SLC35D4: variants seen among roughly 807,000 people sequenced by gnomAD.
The protein encoded by SLC35D4 is solute carrier family 35 member D4, also known as UDP-N-acetylglucosamine transporter SLC35D4.
At chr18:23,239,719 C>T in the SLC35D4 span, among the ~76,000 whole-genome samples, 1 of 152,216 alleles carries the variant, frequency 6.6e-6, no homozygotes. Context: ...ACTAACCAGC[C>T]ACAACCCCTC....
chr18:23,401,263 C>T, the SLC35D4 span, among the ~76,000 whole-genome samples: 1 of 152,182 alleles, frequency 6.6e-6, no homozygotes, highest in Non-Finnish European at 1.5e-5. Flanking sequence ...GTCTGTCTGG[C>T]TCCAAAGCCC....
the SLC35D4 span, among the ~76,000 whole-genome samples, chr18:23,364,933 A>AATAAT: frequency 2.5e-4 from 4 of 15,794 alleles, 1 homozygote; most frequent in South Asian, 9.0e-3. Flanking sequence ...AAAAAAAAAA[A>AATAAT]GGACTCCTTT....
chr18:23,387,276 T>C, the SLC35D4 span, among the ~76,000 whole-genome samples: 147,773 of 152,280 alleles, frequency 0.97, 71,854 homozygotes, highest in East Asian at 1. Context: ...AATAAGAGCA[T>C]AGGTTTTGTC....
At chr18:23,433,588 C>G in the SLC35D4 span, among the ~76,000 whole-genome samples, 1 of 152,268 alleles carries the variant, frequency 6.6e-6, no homozygotes, top group African/African-American at 2.4e-5. Flanking sequence ...CCCAGGCCAC[C>G]AAGCCAGAGC....
the SLC35D4 span, among the ~76,000 whole-genome samples, chr18:23,358,243 G>A: frequency 1.3e-5 from 2 of 152,164 alleles, no homozygotes; most frequent in African/African-American, 4.8e-5. Context: ...AATGAGGAAC[G>A]GCGGAGAGGG....
chr18:23,330,930 G>A, the SLC35D4 span: 2 of 152,144 alleles, frequency 1.3e-5, no homozygotes, highest in Non-Finnish European at 2.9e-5. Context: ...AGCCACCAAC[G>A]TGAAGCCTTT....
chr18:23,370,522 T>C, the SLC35D4 span, among the ~76,000 whole-genome samples: 1 of 152,200 alleles, frequency 6.6e-6, no homozygotes, highest in Non-Finnish European at 1.5e-5. Context: ...ATGGAAAGCA[T>C]CATGATTATG....
the SLC35D4 span, among the ~76,000 whole-genome samples, chr18:23,378,299 A>G: frequency 6.6e-6 from 1 of 151,910 alleles, no homozygotes; most frequent in Admixed American, 6.6e-5. Flanking sequence ...AGCCTCCTAA[A>G]GCACTGGGAT....
chr18:23,328,366 CAAAA>C, the SLC35D4 span, among the ~76,000 whole-genome samples: 1 of 152,166 alleles, frequency 6.6e-6, no homozygotes, highest in Non-Finnish European at 1.5e-5. Flanking sequence ...TCTCAGGATA[CAAAA>C]TCAATGTGCA....
chr18:23,380,003 A>G, the SLC35D4 span, among the ~76,000 whole-genome samples: 6 of 152,180 alleles, frequency 3.9e-5, no homozygotes, highest in African/African-American at 1.4e-4. Flanking sequence ...AGGCTGAGGC[A>G]GGAGAATCGC....
chr18:23,243,873 A>T, the SLC35D4 span, among the ~76,000 whole-genome samples: 1 of 51,486 alleles, frequency 1.9e-5, no homozygotes, highest in African/African-American at 4.3e-4. Context: ...ACTCCGTTTC[A>T]AAAAAAAAAA....
At chr18:23,239,777 A>G in the SLC35D4 span, among the ~76,000 whole-genome samples, 3 of 152,200 alleles carry the variant, frequency 2.0e-5, no homozygotes, top group Admixed American at 2.0e-4. Flanking sequence ...GTAAACAGTA[A>G]ACAAGGAGAC....
At chr18:23,428,636 A>G in the SLC35D4 span, among the ~76,000 whole-genome samples, 1 of 151,654 alleles carries the variant, frequency 6.6e-6, no homozygotes, top group Non-Finnish European at 1.5e-5. Flanking sequence ...TCCTGTCTCA[A>G]CCTCCTGAGT....
At chr18:23,302,961 A>C in the SLC35D4 span, among the ~76,000 whole-genome samples, 1 of 152,276 alleles carries the variant, frequency 6.6e-6, no homozygotes, top group Non-Finnish European at 1.5e-5. Context: ...GGTGATGACT[A>C]ACTTAAAACT....
chr18:23,360,173 C>T, the SLC35D4 span, among the ~76,000 whole-genome samples: 1 of 152,202 alleles, frequency 6.6e-6, no homozygotes. Context: ...GGATGTGGAG[C>T]AACTGGAACT....
chr18:23,278,998 G>A, the SLC35D4 span, among the ~76,000 whole-genome samples: 1 of 145,634 alleles, frequency 6.9e-6, no homozygotes, highest in South Asian at 2.2e-4. Flanking sequence ...GGGTGACAGA[G>A]CAAGACCCCA....
the SLC35D4 span, among the ~76,000 whole-genome samples, chr18:23,382,275 T>C: frequency 6.6e-6 from 1 of 151,246 alleles, no homozygotes; most frequent in African/African-American, 2.4e-5. Context: ...AAGGATCCCT[T>C]TGGAGAATAT....
chr18:23,354,317 C>A, the SLC35D4 span, among the ~76,000 whole-genome samples: 2 of 126,616 alleles, frequency 1.6e-5, no homozygotes, highest in African/African-American at 6.2e-5. Context: ...CTGGCTAACA[C>A]GGTGAAACCC....
At chr18:23,420,384 AT>A in the SLC35D4 span, among the ~76,000 whole-genome samples, 3 of 151,828 alleles carry the variant, frequency 2.0e-5, no homozygotes, top group East Asian at 1.9e-4. Context: ...ATAGGTAGGA[AT>A]TTTTTTTGAG....
Sources: gnomAD v4.1 joint callset for allele counts (sites outside exome capture counted in the v4.1 genomes callset) on GRCh38, gnomAD v4.1.1 for gene constraint, MANE v1.5 for transcripts, NCBI Gene and HGNC (gene_info 2026-07-23, HGNC 2026-07-21) for gene names.